EYS: variants seen among roughly 807,000 people sequenced by gnomAD.
The protein encoded by EYS is protein eyes shut homolog.
EYS carries 250 observed loss-of-function variants against 282.1 expected under a neutral mutation model. The ratio of observed to expected loss-of-function variants is 0.89; its 90% CI spans 0.80 to 0.98. The LOEUF is 0.98. Among genes scored for constraint, EYS ranks in the 50% least tolerant of loss-of-function variants. EYS has a pLI of 0.00. For synonymous variants in EYS, 1,355 were observed against 1,282.9 expected (o/e 1.06, Z -1.20); for missense variants, 4,016 against 3,709.0 (o/e 1.08, Z -2.15).
chr6:63,902,087 T>G (rs971468985), intron 35 of EYS, among the ~76,000 whole-genome samples: 3 of 151,874 alleles, frequency 2.0e-5, no homozygotes, highest in Non-Finnish European at 4.4e-5. Flanking sequence ...AGAGATGGGG[T>G]TTCACCAGGT....
chr6:64,268,862 C>G (rs1182170201), intron 30 of EYS, among the ~76,000 whole-genome samples: 1 of 152,152 alleles, frequency 6.6e-6, no homozygotes, highest in Non-Finnish European at 1.5e-5. Context: ...GCTCTTCTTT[C>G]TCTTTGGAAG....
chr6:64,967,224 C>G (rs1446814103), intron 14 of EYS, among the ~76,000 whole-genome samples: 1 of 152,104 alleles, frequency 6.6e-6, no homozygotes, highest in African/African-American at 2.4e-5. Context: ...AGCTATGTTA[C>G]TCAGCTCCTT....
intron 37 of EYS, among the ~76,000 whole-genome samples, chr6:63,803,878 A>C (rs572930056): frequency 6.6e-6 from 1 of 152,330 alleles, no homozygotes; most frequent in Admixed American, 6.5e-5. Flanking sequence ...AAGTAATGGC[A>C]ATGAAGGAAG....
At chr6:64,429,554 C>T (rs561376404) in intron 28 of EYS, among the ~76,000 whole-genome samples, 1 of 152,308 alleles carries the variant, frequency 6.6e-6, no homozygotes, top group Non-Finnish European at 1.5e-5. Flanking sequence ...TCGCTTAAAT[C>T]ACAGAGGTGG....
At chr6:65,434,611 G>A (rs1182560783) in intron 5 of EYS, among the ~76,000 whole-genome samples, 2 of 152,012 alleles carry the variant, frequency 1.3e-5, no homozygotes, top group Admixed American at 1.3e-4. Context: ...GAGCCACCGC[G>A]CCCGGCCACA....
chr6:64,838,093 A>G (rs768564691), intron 19 of EYS, among the ~76,000 whole-genome samples: 9 of 151,768 alleles, frequency 5.9e-5, no homozygotes, highest in Admixed American at 4.6e-4. Context: ...TAATGTTACT[A>G]TTTCTGCTTC....
chr6:65,223,871 G>C (rs1233791259), intron 12 of EYS, among the ~76,000 whole-genome samples: 1 of 152,090 alleles, frequency 6.6e-6, no homozygotes, highest in Non-Finnish European at 1.5e-5. Flanking sequence ...CTCAACCTGG[G>C]CAGCTTTCCT....
chr6:63,813,762 C>T (rs1017136376), intron 36 of EYS, among the ~76,000 whole-genome samples: 5 of 151,978 alleles, frequency 3.3e-5, no homozygotes, highest in African/African-American at 1.2e-4. Context: ...TTCAGTTCTT[C>T]CTTCTCTATG....
intron 13 of EYS, among the ~76,000 whole-genome samples, chr6:65,006,213 CA>C (rs1771649080): frequency 6.8e-6 from 1 of 147,050 alleles, no homozygotes; most frequent in Admixed American, 6.8e-5. Context: ...GAGAGAGAGA[CA>C]AAAAGGGAGT....
intron 12 of EYS, among the ~76,000 whole-genome samples, chr6:65,291,345 G>A (rs796209949): frequency 2.0e-4 from 31 of 151,638 alleles, no homozygotes; most frequent in African/African-American, 7.0e-4. Flanking sequence ...CACACTGTTG[G>A]TTGAAGTGTA....
intron 2 of EYS, among the ~76,000 whole-genome samples, chr6:65,626,298 A>G (rs1282780841): frequency 6.6e-6 from 1 of 152,210 alleles, no homozygotes; most frequent in East Asian, 1.9e-4. Context: ...AGACCTTGCC[A>G]TATTTAGGGG....
chr6:64,540,257 A>C lies in EYS; in HGVS notation c.5644+49966T>G, dbSNP rs145626331. Among the ~76,000 whole-genome samples the C allele has an allele frequency of 5.2e-3, 792 of 152,204 alleles. 7 individuals carry two copies. The highest frequency in any genetic ancestry group is 8.8e-3 in the Admixed American group (135 of 15,284). On this transcript the variant is annotated intron_variant, in intron 26 of 42. Transcript: ENST00000503581. ...ATCCTTTTTTGGCTTGACTCTGCTC[A>C]AGGAGCTCACCAAACTAAGGAAAAG...
In EYS at chr6:65,121,037, G is replaced by A. The variant is rs1380516494; in HGVS notation, c.2024-63310C>T. Among the ~76,000 whole-genome samples, 4 of 151,610 alleles carry A rather than the reference G, an allele frequency of 2.6e-5. No homozygotes were observed. In the East Asian group the frequency reaches 7.8e-4, roughly 29 times the overall value. ...TGTACATTCATTGCCATCATTTCCT[G>A]AATTCATTATGTCCCTGAGCATTTT... On this transcript the variant is annotated intron_variant, in intron 12 of 42. Coordinates refer to ENST00000503581, the MANE Select transcript of EYS (RefSeq NM_001142800.2).
At chr6:64,910,965 A>G (rs9453108) in intron 16 of EYS, among the ~76,000 whole-genome samples, 90,163 of 151,700 alleles carry the variant, frequency 0.59, 26,846 homozygotes, top group African/African-American at 0.63. Context: ...CTCAATAAAT[A>G]TTTATATTCT....
At chr6:65,210,677 G>T (rs1033682809) in intron 12 of EYS, among the ~76,000 whole-genome samples, 2 of 151,656 alleles carry the variant, frequency 1.3e-5, no homozygotes, top group African/African-American at 4.8e-5. Context: ...CACATGAAAG[G>T]AATCATGAAT....
chr6:63,909,824 A>G (rs1773873014), intron 35 of EYS, among the ~76,000 whole-genome samples: 1 of 152,196 alleles, frequency 6.6e-6, no homozygotes, highest in Non-Finnish European at 1.5e-5. Flanking sequence ...CATCAGGACT[A>G]TCAAAATCTT....
chr6:63,951,565 C>A (rs1455262574), intron 35 of EYS, among the ~76,000 whole-genome samples: 1 of 152,068 alleles, frequency 6.6e-6, no homozygotes, highest in African/African-American at 2.4e-5. Context: ...TAGACTGATC[C>A]TCCTCAGGTC....
chr6:64,479,801 A>G (rs1246309943), intron 26 of EYS, among the ~76,000 whole-genome samples: 1 of 151,968 alleles, frequency 6.6e-6, no homozygotes, highest in Non-Finnish European at 1.5e-5. Flanking sequence ...AGCAAAAAAC[A>G]CCCAAATCTG....
At chr6:64,202,853 C>T (rs948511662) in intron 31 of EYS, among the ~76,000 whole-genome samples, 9 of 152,148 alleles carry the variant, frequency 5.9e-5, no homozygotes, top group African/African-American at 2.2e-4. Context: ...GCTTTGGAGA[C>T]ACCAATAGCT....
Sources: allele counts gnomAD v4.1 joint callset (sites outside exome capture counted in the v4.1 genomes callset), GRCh38; gene constraint gnomAD v4.1.1; transcripts MANE v1.5; gene names NCBI Gene and HGNC (gene_info 2026-07-23, HGNC 2026-07-21).